NCBP1: variants seen among roughly 807,000 people sequenced by gnomAD.
NCBP1 encodes nuclear cap binding protein subunit 1.
NCBP1 carries 16 observed loss-of-function variants against 111.7 expected under a neutral mutation model. That is an observed-to-expected ratio of 0.14 (90% CI 0.10 to 0.22). The LOEUF (loss-of-function observed/expected upper bound fraction) is 0.22, where lower values mean the gene tolerates loss of function less well. NCBP1 is among the 10% of genes least tolerant of loss of function. NCBP1 has a pLI of 1.00. For synonymous variants in NCBP1, 304 were observed against 314.3 expected, an observed-to-expected ratio of 0.97 and a Z score of 0.35; for missense variants, 607 against 957.5, an observed-to-expected ratio of 0.63 and a Z score of 4.83.
At chr9:97,655,292 C>T (rs916927410) in intron 12 of NCBP1, among the ~76,000 whole-genome samples, 1 of 152,128 alleles carries the variant, frequency 6.6e-6, no homozygotes, top group Non-Finnish European at 1.5e-5. Context: ...CTCATTGTAA[C>T]CTTGAACTTA....
chr9:97,655,023 T>C, intron 12 of NCBP1, 79 bp downstream of exon 12: 1 of 1,200,738 alleles, frequency 8.3e-7, no homozygotes, highest in Non-Finnish European at 1.1e-6. Context: ...GAGAAAGACA[T>C]TTTTAAGAAT....
At chr9:97,636,705 G>A (rs574386731) in intron 1 of NCBP1, among the ~76,000 whole-genome samples, 162 of 144,238 alleles carry the variant, frequency 1.1e-3, no homozygotes, top group African/African-American at 3.8e-3. Flanking sequence ...ACTTAACAGT[G>A]CCAAGCTCTG....
chr9:97,641,753 C>A, intron 3 of NCBP1, 91 bp downstream of exon 3: 1 of 1,255,422 alleles, frequency 8.0e-7, no homozygotes, highest in South Asian at 2.0e-5. Flanking sequence ...TGTTTATGTT[C>A]TATATGTCCT....
intron 10 of NCBP1, among the ~76,000 whole-genome samples, chr9:97,653,119 C>CTTTT (rs57742118): frequency 0.014 from 1,716 of 123,528 alleles, 91 homozygotes; most frequent in African/African-American, 0.052. Flanking sequence ...TAAAAGAATT[C>CTTTT]TTTTTTTTTT....
chr9:97,669,549 A>G, intron 21 of NCBP1, 44 bp from the exon 22 acceptor site: 2 of 1,377,540 alleles, frequency 1.5e-6, no homozygotes, highest in Non-Finnish European at 2.1e-6. Flanking sequence ...CCAAAGTATA[A>G]GATTCTGTCT....
At chr9:97,663,700 G>C (rs149148412) in intron 18 of NCBP1, among the ~76,000 whole-genome samples, 2,093 of 151,786 alleles carry the variant, frequency 0.014, 98 homozygotes, top group East Asian at 0.13. Flanking sequence ...GGCCAGGCTG[G>C]TCTGGAACTC....
chr9:97,666,434 G>A (rs1038816953), intron 19 of NCBP1, among the ~76,000 whole-genome samples: 2 of 152,120 alleles, frequency 1.3e-5, no homozygotes, highest in Admixed American at 6.6e-5. Flanking sequence ...GAGGAAAAAT[G>A]TATTTCCATT....
At chr9:97,666,384 A>G (rs1828002563) in intron 19 of NCBP1, among the ~76,000 whole-genome samples, 1 of 152,214 alleles carries the variant, frequency 6.6e-6, no homozygotes, top group Admixed American at 6.5e-5. Flanking sequence ...TTAGGTCACC[A>G]TTTTGAGAAA....
chr9:97,655,922 G>A (rs1485032844), intron 13 of NCBP1, 89 bp from the exon 14 acceptor site: 2 of 1,382,016 alleles, frequency 1.4e-6, no homozygotes, highest in African/African-American at 2.9e-5. Context: ...AAACTTGTAA[G>A]TTGTTATAAG....
intron 16 of NCBP1, 108 bp from the exon 17 acceptor site, chr9:97,661,934 C>T: frequency 1.7e-6 from 1 of 603,614 alleles, no homozygotes; most frequent in Non-Finnish European, 2.7e-6. Context: ...AAACATTACA[C>T]AAATATCTGT....
chr9:97,654,819 G>C, intron 11 of NCBP1, 61 bp from the exon 12 acceptor site: 1 of 1,364,322 alleles, frequency 7.3e-7, no homozygotes, highest in Non-Finnish European at 1.0e-6. Flanking sequence ...TTCTATTCTT[G>C]TCTATTACAA....
At chr9:97,635,318 A>C (rs1826981115) in intron 1 of NCBP1, among the ~76,000 whole-genome samples, 1 of 152,212 alleles carries the variant, frequency 6.6e-6, no homozygotes, top group Non-Finnish European at 1.5e-5. Flanking sequence ...TTCACTACAC[A>C]GGTATAAATT....
intron 12 of NCBP1, among the ~76,000 whole-genome samples, chr9:97,655,453 T>G (rs1358362618): frequency 6.6e-6 from 1 of 152,162 alleles, no homozygotes; most frequent in Non-Finnish European, 1.5e-5. Flanking sequence ...AATATGTACC[T>G]TGGAAGTTGT....
At chr9:97,640,222 T>C (rs1827167910) in intron 1 of NCBP1, among the ~76,000 whole-genome samples, 1 of 152,144 alleles carries the variant, frequency 6.6e-6, no homozygotes, top group Admixed American at 6.5e-5. Context: ...TGAGAAATCC[T>C]AATGTTTTAT....
rs1828207715 is a variant in NCBP1, at chr9:97,672,008, A to C, written c.*809A>C. On this transcript the variant is annotated 3_prime_UTR_variant, in exon 23 of 23. Transcript: ENST00000375147. ...TCTTGTAGTGAGTTACAGAATACTA[A>C]AGTGGATGTAGAAGTGGTCAGATTG... 1 of 152,158 alleles carries C rather than the reference A, an allele frequency of 6.6e-6. No homozygotes were observed. Among genetic ancestry groups the C allele is most frequent in the Non-Finnish European group, 1.5e-5 (1 of 68,030 alleles). 9.4% of individuals were successfully genotyped at this position (152,158 alleles called of 1,614,324 possible). A position where few individuals can be genotyped will look rare whatever the true frequency, so the allele number is the denominator to read the frequency against.
chr9:97,665,221 C>T (rs1827959443), intron 19 of NCBP1, among the ~76,000 whole-genome samples: 1 of 152,250 alleles, frequency 6.6e-6, no homozygotes, highest in Admixed American at 6.5e-5. Flanking sequence ...GTCATACCGG[C>T]CAGGTTGGCC....
intron 15 of NCBP1, among the ~76,000 whole-genome samples, chr9:97,660,324 T>C (rs1827794971): frequency 6.6e-6 from 1 of 152,196 alleles, no homozygotes; most frequent in Admixed American, 6.6e-5. Context: ...TGGTGATGCC[T>C]TACGGTGTAT....
chr9:97,634,547 A>G (rs1826939737), intron 1 of NCBP1: 1 of 152,238 alleles, frequency 6.6e-6, no homozygotes, highest in Non-Finnish European at 1.5e-5. Flanking sequence ...CAGGCCTCTG[A>G]GAGAGTTAGA....
Position 97,671,153 on chromosome 9 carries a change from C to T in NCBP1, c.2327C>T (p.Pro776Leu). 3 of 1,613,820 alleles carry T rather than the reference C, an allele frequency of 1.9e-6. No homozygotes were observed. The highest frequency in any genetic ancestry group is 2.7e-5 in the African/African-American group (2 of 75,044). The change falls in exon 23 of 23, where the codon CCT becomes CTT. Residue 776 changes from proline to leucine, a missense_variant. Transcript: ENST00000375147. ...CTTCTCTTCACTGCTGAATTAGACC[C>T]TCATATCTTGGCCGTGTTCCAGCAG... ...ENLLFTAELD[P>L]HILAVFQQFC...
Sources: allele counts gnomAD v4.1 joint callset (sites outside exome capture counted in the v4.1 genomes callset), GRCh38; gene constraint gnomAD v4.1.1; transcripts MANE v1.5; gene names NCBI Gene and HGNC (gene_info 2026-07-23, HGNC 2026-07-21).